The following MYO5B variants were observed in gnomAD, a reference collection of about 807,000 sequenced individuals.
The protein encoded by MYO5B is myosin VB.
A neutral mutation model predicts 229.3 loss-of-function variants in MYO5B; 143 were observed. The observed-to-expected ratio is 0.62, with a 90% CI of 0.54 to 0.72. MYO5B has a LOEUF of 0.72. MYO5B is among the 30% of genes least tolerant of loss of function. The probability of loss-of-function intolerance (pLI) is 0.00; values close to 1 mark genes in which losing one functional copy is unlikely to be tolerated. For synonymous variants in MYO5B, 918 were observed against 885.2 expected (o/e 1.04, Z -0.66); for missense variants, 2,321 against 2,331.0 (o/e 1.00, Z 0.09).
intron 2 of MYO5B, among the ~76,000 whole-genome samples, chr18:50,047,108 G>T (rs1019362725): frequency 2.6e-5 from 4 of 152,174 alleles, no homozygotes; most frequent in African/African-American, 7.2e-5. Context: ...TTCAACTAAA[G>T]AGCTTCTGCA....
chr18:50,082,854 C>A (rs953648217), intron 1 of MYO5B, among the ~76,000 whole-genome samples: 1 of 152,204 alleles, frequency 6.6e-6, no homozygotes, highest in Non-Finnish European at 1.5e-5. Flanking sequence ...GGACTTCTAA[C>A]ACCAGATATG....
At chr18:50,000,264 G>A (rs968605679) in intron 5 of MYO5B, among the ~76,000 whole-genome samples, 2 of 152,178 alleles carry the variant, frequency 1.3e-5, no homozygotes, top group Non-Finnish European at 2.9e-5. Context: ...TGGGGCTCAG[G>A]GCTCCGCATG....
chr18:50,140,805 T>A (rs374224979), intron 1 of MYO5B, among the ~76,000 whole-genome samples: 23 of 152,266 alleles, frequency 1.5e-4, no homozygotes, highest in African/African-American at 5.5e-4. Flanking sequence ...GTTCAACAAT[T>A]CACTAGAAAG....
At chr18:50,193,224 T>C (rs2033251785) in intron 1 of MYO5B, among the ~76,000 whole-genome samples, 1 of 152,160 alleles carries the variant, frequency 6.6e-6, no homozygotes, top group South Asian at 2.1e-4. Context: ...AGGGGTGGGG[T>C]GCCGTTCCAG....
chr18:49,870,098 T>C (rs1598845856), intron 27 of MYO5B, among the ~76,000 whole-genome samples: 1 of 152,238 alleles, frequency 6.6e-6, no homozygotes, highest in East Asian at 1.9e-4. Flanking sequence ...TTGGAGGGTT[T>C]TGAATCTTTA....
chr18:50,114,467 A>T (rs953008030), intron 1 of MYO5B, among the ~76,000 whole-genome samples: 1 of 152,178 alleles, frequency 6.6e-6, no homozygotes, highest in African/African-American at 2.4e-5. Flanking sequence ...TCCTCAAAGA[A>T]CCCAGAGGTA....
At chr18:49,893,645 T>C (rs1034175337) in intron 22 of MYO5B, among the ~76,000 whole-genome samples, 2 of 152,182 alleles carry the variant, frequency 1.3e-5, no homozygotes, top group African/African-American at 4.8e-5. Flanking sequence ...GAAGCCTGCG[T>C]CTTACTTTCT....
At chr18:49,828,181 C>T (rs143696853) in intron 39 of MYO5B, among the ~76,000 whole-genome samples, 2 of 152,266 alleles carry the variant, frequency 1.3e-5, no homozygotes, top group African/African-American at 4.8e-5. Context: ...AAGGTATCCT[C>T]AAATAAGATT....
Position 50,194,884 on chromosome 18 carries a change from C to G in MYO5B, c.-91G>C. On this transcript the variant is annotated 5_prime_UTR_variant, in exon 1 of 40. Coordinates refer to ENST00000285039, the MANE Select transcript of MYO5B (RefSeq NM_001080467.3). Reference sequence around the variant, plus strand: ...GCCCGCCTGGCGCCATGTTCCCGGGCTGGCCTGGAGTTTCTCGATCTTCTC... The same window carrying G: ...GCCCGCCTGGCGCCATGTTCCCGGGGTGGCCTGGAGTTTCTCGATCTTCTC... The G allele has an allele frequency of 8.1e-7, 1 of 1,233,472 alleles. No individual in the cohort carries two copies. Among genetic ancestry groups the G allele is most frequent in the Non-Finnish European group, 1.0e-6 (1 of 989,554 alleles). The allele number at this position is 1,233,472 out of a possible 1,614,324, so 76.4% of individuals were successfully genotyped here. A position where few individuals can be genotyped will look rare whatever the true frequency, so the allele number is the denominator to read the frequency against.
intron 1 of MYO5B, among the ~76,000 whole-genome samples, chr18:50,160,786 C>G (rs533306165): frequency 6.6e-6 from 1 of 152,266 alleles, no homozygotes; most frequent in South Asian, 2.1e-4. Flanking sequence ...CAAAGGAAAT[C>G]CTCAGCACAT....
chr18:50,088,065 G>A (rs953563378), intron 1 of MYO5B, among the ~76,000 whole-genome samples: 4 of 152,176 alleles, frequency 2.6e-5, no homozygotes, highest in African/African-American at 9.7e-5. Flanking sequence ...AAGATGCAGA[G>A]ACAGAATTCA....
At chr18:50,019,596 G>C (rs2026253197) in intron 4 of MYO5B, among the ~76,000 whole-genome samples, 2 of 152,254 alleles carry the variant, frequency 1.3e-5, no homozygotes, top group Admixed American at 6.5e-5. Flanking sequence ...CCAAGGCCAT[G>C]AGGAGGTTAG....
intron 13 of MYO5B, 138 bp downstream of exon 13, chr18:49,954,174 GA>G: frequency 1.5e-6 from 2 of 1,304,430 alleles, no homozygotes; most frequent in Admixed American, 3.6e-5. Context: ...GTGGGTAAAA[GA>G]GGATGGAAGG....
intron 2 of MYO5B, among the ~76,000 whole-genome samples, chr18:50,048,487 C>G (rs1340678377): frequency 6.6e-6 from 1 of 152,166 alleles, no homozygotes; most frequent in Non-Finnish European, 1.5e-5. Context: ...TGCTGCCTGA[C>G]AGTCACCAGG....
chr18:50,088,287 C>T (rs190931181), intron 1 of MYO5B, among the ~76,000 whole-genome samples: 2 of 152,174 alleles, frequency 1.3e-5, no homozygotes, highest in East Asian at 3.9e-4. Flanking sequence ...TGAAAGTTTC[C>T]GAAACAGACA....
At chr18:49,960,959 G>A (rs1284736845) in intron 12 of MYO5B, among the ~76,000 whole-genome samples, 5 of 152,310 alleles carry the variant, frequency 3.3e-5, no homozygotes, top group East Asian at 3.9e-4. Flanking sequence ...GCATCCCAGA[G>A]GCCTGGGTTG....
chr18:50,183,306 CATATAT>C (rs71169486), intron 1 of MYO5B, among the ~76,000 whole-genome samples: 2,020 of 110,018 alleles, frequency 0.018, 72 homozygotes, highest in African/African-American at 0.035. Context: ...TCAATTTTAT[CATATAT>C]ATATATATAT....
intron 31 of MYO5B, among the ~76,000 whole-genome samples, chr18:49,852,999 CAA>C (rs2144059685): frequency 6.6e-6 from 1 of 152,332 alleles, no homozygotes; most frequent in Non-Finnish European, 1.5e-5. Context: ...TGACTGTCTG[CAA>C]AGAGGCCCCA....
At chr18:50,092,578 G>A (rs956247425) in intron 1 of MYO5B, among the ~76,000 whole-genome samples, 9 of 152,102 alleles carry the variant, frequency 5.9e-5, no homozygotes, top group African/African-American at 2.2e-4. Flanking sequence ...CTGTAAAAGG[G>A]TTATAAAGAC....
Sources: allele counts gnomAD v4.1 joint callset (sites outside exome capture counted in the v4.1 genomes callset), GRCh38; gene constraint gnomAD v4.1.1; transcripts MANE v1.5; gene names NCBI Gene and HGNC (gene_info 2026-07-23, HGNC 2026-07-21).